The following STAG1 variants were observed in gnomAD, a reference collection of about 807,000 sequenced individuals.
STAG1 encodes the protein cohesin subunit SA-1.
STAG1 carries 26 observed loss-of-function variants against 170.9 expected under a neutral mutation model. That is an observed-to-expected ratio of 0.15 (90% CI 0.11 to 0.21). STAG1 has a LOEUF of 0.21. Ranked by LOEUF, STAG1 falls within the 10% of genes least tolerant of loss-of-function variation. STAG1 has a pLI of 1.00. For missense variants in STAG1, 964 were observed against 1,509.5 expected, an observed-to-expected ratio of 0.64 and a Z score of 5.99; for synonymous variants, 514 against 497.7, an observed-to-expected ratio of 1.03 and a Z score of -0.44.
intron 4 of STAG1, among the ~76,000 whole-genome samples, chr3:136,597,695 C>G (rs913451944): frequency 6.6e-6 from 1 of 152,008 alleles, no homozygotes; most frequent in Non-Finnish European, 1.5e-5. Context: ...CTCATTAGTT[C>G]TAACAGTCTA....
At chr3:136,625,398 G>A (rs553326038) in intron 2 of STAG1, among the ~76,000 whole-genome samples, 44 of 152,222 alleles carry the variant, frequency 2.9e-4, no homozygotes, top group African/African-American at 1.0e-3. Context: ...CCAGATCTCT[G>A]ACTCAGGATT....
chr3:136,613,958 T>C (rs1939446225), intron 3 of STAG1, among the ~76,000 whole-genome samples: 1 of 152,168 alleles, frequency 6.6e-6, no homozygotes, highest in Non-Finnish European at 1.5e-5. Context: ...CTCATGCCTG[T>C]AATCCCAGCA....
intron 1 of STAG1, among the ~76,000 whole-genome samples, chr3:136,751,916 G>A (rs1207169228): frequency 3.3e-5 from 5 of 150,908 alleles, no homozygotes; most frequent in South Asian, 2.1e-4. Flanking sequence ...TTTGGTGCCC[G>A]CGGGAGGGGT....
chr3:136,645,782 T>C (rs778095024), intron 1 of STAG1, among the ~76,000 whole-genome samples: 1 of 152,092 alleles, frequency 6.6e-6, no homozygotes, highest in Non-Finnish European at 1.5e-5. Flanking sequence ...TCTCCTCCAT[T>C]CGACATATAT....
chr3:136,645,295 G>C (rs549860315), intron 1 of STAG1, among the ~76,000 whole-genome samples: 7 of 152,236 alleles, frequency 4.6e-5, no homozygotes, highest in African/African-American at 1.7e-4. Context: ...TGAGAGAATT[G>C]GGTGAAATGC....
intron 23 of STAG1, among the ~76,000 whole-genome samples, chr3:136,375,727 T>A (rs1400322748): frequency 3.3e-5 from 5 of 151,436 alleles, no homozygotes. Flanking sequence ...TCCCAGTACT[T>A]TGGGAGGCTG....
At chr3:136,378,229 A>C (rs764292936) in intron 22 of STAG1, among the ~76,000 whole-genome samples, 1 of 152,246 alleles carries the variant, frequency 6.6e-6, no homozygotes, top group Non-Finnish European at 1.5e-5. Flanking sequence ...ACATTCTAGC[A>C]GACAGGCCAA....
chr3:136,690,056 CAAA>C (rs57082567), intron 1 of STAG1, among the ~76,000 whole-genome samples: 2 of 56,372 alleles, frequency 3.5e-5, no homozygotes, highest in East Asian at 5.8e-4. Context: ...AAAAGCAAAC[CAAA>C]AAAAAAAAAA....
In STAG1 at chr3:136,665,818, G is replaced by T. The variant is rs184236146; in HGVS notation, c.-83-34837C>A. Among the ~76,000 whole-genome samples, 857 of 148,050 alleles carry T rather than the reference G, an allele frequency of 5.8e-3. 5 individuals are homozygous for T. Among genetic ancestry groups the T allele is most frequent in the Non-Finnish European group, 9.8e-3 (657 of 67,206 alleles). On this transcript the variant is annotated intron_variant, in intron 1 of 33. Transcript: ENST00000383202. Reference sequence around the variant, plus strand: ...AGGCCAGGTACAGTGGCTCACACCTGTAATCCCAGCACTTTGGGAGGCCGA... The same window carrying T: ...AGGCCAGGTACAGTGGCTCACACCTTTAATCCCAGCACTTTGGGAGGCCGA...
At chr3:136,742,186 G>A (rs1274132786) in intron 1 of STAG1, among the ~76,000 whole-genome samples, 1 of 152,130 alleles carries the variant, frequency 6.6e-6, no homozygotes, top group African/African-American at 2.4e-5. Flanking sequence ...TAGATTATTT[G>A]AAAAGTGCTA....
chr3:136,674,160 A>C, intron 1 of STAG1, among the ~76,000 whole-genome samples: 1 of 11,656 alleles, frequency 8.6e-5, no homozygotes, highest in African/African-American at 5.6e-4. Context: ...GGAGAGAGGG[A>C]GGGAGGGAGG....
At chr3:136,485,145 T>G (rs1454620883) in intron 9 of STAG1, among the ~76,000 whole-genome samples, 2 of 152,152 alleles carry the variant, frequency 1.3e-5, no homozygotes, top group African/African-American at 4.8e-5. Context: ...TAGACATTTA[T>G]AATGAATACA....
intron 1 of STAG1, among the ~76,000 whole-genome samples, chr3:136,660,932 G>A (rs1941557026): frequency 6.6e-6 from 1 of 152,162 alleles, no homozygotes; most frequent in Non-Finnish European, 1.5e-5. Context: ...TTGTGTCACT[G>A]CACTCCAGCC....
intron 1 of STAG1, among the ~76,000 whole-genome samples, chr3:136,676,792 T>A (rs1021989072): frequency 2.6e-5 from 4 of 152,106 alleles, no homozygotes; most frequent in African/African-American, 7.2e-5. Context: ...CTAAGCTTTT[T>A]TGTGATTTTA....
intron 1 of STAG1, among the ~76,000 whole-genome samples, chr3:136,645,458 C>T (rs151053429): frequency 5.3e-4 from 81 of 152,280 alleles, no homozygotes; most frequent in African/African-American, 1.9e-3. Context: ...ATCTCCATTT[C>T]ACCTCCATCA....
At chr3:136,744,524 T>A (rs921314647) in intron 1 of STAG1, among the ~76,000 whole-genome samples, 1 of 152,192 alleles carries the variant, frequency 6.6e-6, no homozygotes, top group African/African-American at 2.4e-5. Flanking sequence ...TATCAGACTT[T>A]TAATGCTTGT....
chr3:136,499,487 C>T (rs1006944324), intron 9 of STAG1, among the ~76,000 whole-genome samples: 3 of 152,166 alleles, frequency 2.0e-5, no homozygotes, highest in East Asian at 3.9e-4. Context: ...GCCAAATATA[C>T]TCTCAAATGG....
chr3:136,629,035 A>G (rs930247915), intron 2 of STAG1, among the ~76,000 whole-genome samples: 1 of 152,212 alleles, frequency 6.6e-6, no homozygotes, highest in Non-Finnish European at 1.5e-5. Flanking sequence ...TCATTTATCC[A>G]GCTCCCAGAT....
chr3:136,358,086 G>A (rs981178577), intron 27 of STAG1, among the ~76,000 whole-genome samples: 1 of 138,776 alleles, frequency 7.2e-6, no homozygotes, highest in African/African-American at 2.9e-5. Context: ...AGCTAAATTC[G>A]TATTTTTTTT....
Sources: allele counts gnomAD v4.1 joint callset (sites outside exome capture counted in the v4.1 genomes callset), GRCh38; gene constraint gnomAD v4.1.1; transcripts MANE v1.5; gene names NCBI Gene and HGNC (gene_info 2026-07-23, HGNC 2026-07-21).